Variants in ZFYVE9 observed in about 807,000 individuals in gnomAD.
The protein encoded by ZFYVE9 is zinc finger FYVE domain-containing protein 9.
A neutral mutation model predicts 126.7 loss-of-function variants in ZFYVE9; 43 were observed. That is an observed-to-expected ratio of 0.34 (90% CI 0.27 to 0.44). The LOEUF is 0.44. Among genes scored for constraint, ZFYVE9 ranks in the 20% least tolerant of loss-of-function variants. ZFYVE9 has a pLI of 1.00. For missense variants in ZFYVE9, 1,476 were observed against 1,697.0 expected (o/e 0.87, Z 2.29); for synonymous variants, 521 against 597.4 (o/e 0.87, Z 1.87).
rs749071457 is a variant in ZFYVE9 at position 52,303,844 on chromosome 1, C to G, written c.3357C>G (p.Thr1119=). The G allele has an allele frequency of 1.3e-6, 2 of 1,592,238 alleles. No homozygotes were observed. Among genetic ancestry groups the G allele is most frequent in the Admixed American group, 1.7e-5 (1 of 57,158 alleles). Residue 1119 remains threonine, a synonymous_variant, in exon 13 of 19, where the codon ACC becomes ACG. Coordinates refer to ENST00000287727, the MANE Select transcript of ZFYVE9 (RefSeq NM_004799.4). ...AGGACTTCAGAAATTACCAGTATAC[C>G]TTGCCAGTAGTTCAAGGTTTGGTGG... The part of the protein sequence containing the change: ...LLADFRNYQY[T]LPVVQGLVVD...
intron 5 of ZFYVE9, 125 bp downstream of exon 5, chr1:52,263,997 C>A: frequency 2.1e-6 from 1 of 468,738 alleles, no homozygotes; most frequent in Non-Finnish European, 3.7e-6. Context: ...ATAACTTTAA[C>A]TGAAAATATT....
intron 1 of ZFYVE9, among the ~76,000 whole-genome samples, chr1:52,206,554 G>C (rs1290870982): frequency 6.6e-6 from 1 of 151,996 alleles, no homozygotes; most frequent in Non-Finnish European, 1.5e-5. Context: ...GTTTTGTTTT[G>C]TTTTGTTTTT....
At chr1:52,287,648 C>A (rs1332604105) in intron 10 of ZFYVE9, among the ~76,000 whole-genome samples, 3 of 148,992 alleles carry the variant, frequency 2.0e-5, no homozygotes, top group African/African-American at 7.5e-5. Context: ...TGCTTGAGGC[C>A]AGGACTTTGA....
chr1:52,146,404 T>C (rs1036105569), intron 1 of ZFYVE9, among the ~76,000 whole-genome samples: 1 of 152,182 alleles, frequency 6.6e-6, no homozygotes, highest in Non-Finnish European at 1.5e-5. Context: ...TAAATTTACT[T>C]AAGAACTGTT....
intron 1 of ZFYVE9, chr1:52,189,937 C>G (rs1449215990): frequency 1.3e-5 from 2 of 152,684 alleles, no homozygotes; most frequent in African/African-American, 4.8e-5. Flanking sequence ...ACTAAACAGG[C>G]AACACCTGGC....
chr1:52,150,393 T>G (rs1460539965), intron 1 of ZFYVE9: 1 of 152,244 alleles, frequency 6.6e-6, no homozygotes, highest in Non-Finnish European at 1.5e-5. Flanking sequence ...CACTCCAGCC[T>G]GGGCAACATA....
At chr1:52,267,236 T>C (rs1370602694) in intron 6 of ZFYVE9, among the ~76,000 whole-genome samples, 2 of 152,196 alleles carry the variant, frequency 1.3e-5, no homozygotes, top group African/African-American at 4.8e-5. Flanking sequence ...CATTCAAGTA[T>C]TGCTTTTTGG....
At chr1:52,290,454 T>G (rs1035903200) in intron 10 of ZFYVE9, among the ~76,000 whole-genome samples, 1 of 152,180 alleles carries the variant, frequency 6.6e-6, no homozygotes, top group Non-Finnish European at 1.5e-5. Context: ...CACCCTACAT[T>G]GTAGAGGGAA....
intron 1 of ZFYVE9, among the ~76,000 whole-genome samples, chr1:52,155,159 A>G (rs574037085): frequency 5.9e-5 from 9 of 151,896 alleles, no homozygotes; most frequent in Non-Finnish European, 1.2e-4. Flanking sequence ...GTCTGGACAC[A>G]TGGTGCCCAG....
intron 4 of ZFYVE9, among the ~76,000 whole-genome samples, chr1:52,257,870 C>T (rs531290570): frequency 2.0e-4 from 30 of 152,126 alleles, no homozygotes; most frequent in Admixed American, 3.9e-4. Flanking sequence ...GGATTATAGG[C>T]GCCTGCCACC....
intron 4 of ZFYVE9, among the ~76,000 whole-genome samples, chr1:52,249,114 C>T (rs1057458425): frequency 6.6e-6 from 1 of 152,188 alleles, no homozygotes; most frequent in African/African-American, 2.4e-5. Flanking sequence ...CTCTCCTGTT[C>T]CACCACGGTA....
chr1:52,267,801 C>G (rs912247037), intron 6 of ZFYVE9, among the ~76,000 whole-genome samples: 4 of 152,098 alleles, frequency 2.6e-5, no homozygotes, highest in African/African-American at 9.7e-5. Flanking sequence ...TAAAACTGGA[C>G]TTAAAGGGAT....
intron 3 of ZFYVE9, among the ~76,000 whole-genome samples, chr1:52,234,718 A>T (rs749568214): frequency 1.3e-5 from 2 of 152,210 alleles, no homozygotes; most frequent in Non-Finnish European, 2.9e-5. Context: ...TCCTAGGCTC[A>T]TTCCTGGTTC....
intron 13 of ZFYVE9, among the ~76,000 whole-genome samples, chr1:52,305,591 G>A (rs1347265155): frequency 6.6e-6 from 1 of 152,064 alleles, no homozygotes; most frequent in Non-Finnish European, 1.5e-5. Context: ...TGTAGGAGCC[G>A]GGGACAAGTG....
chr1:52,205,735 C>A (rs557320188), intron 1 of ZFYVE9, among the ~76,000 whole-genome samples: 9 of 152,014 alleles, frequency 5.9e-5, no homozygotes, highest in Admixed American at 5.2e-4. Flanking sequence ...CTTTGTTGTT[C>A]GGATAGAATA....
At chr1:52,312,238 C>A (rs781223949) in intron 13 of ZFYVE9, among the ~76,000 whole-genome samples, 22 of 152,048 alleles carry the variant, frequency 1.4e-4, no homozygotes, top group Admixed American at 2.6e-4. Context: ...GGCGAAGACT[C>A]AAAACATCAT....
intron 1 of ZFYVE9, among the ~76,000 whole-genome samples, chr1:52,174,576 A>G (rs9693872): frequency 0.96 from 134,183 of 139,904 alleles, 64,324 homozygotes; most frequent in East Asian, 0.99. Context: ...TTTCTGTCTC[A>G]TTGATCTGTC....
At chr1:52,328,359 A>C (rs1000903560) in intron 13 of ZFYVE9, among the ~76,000 whole-genome samples, 1 of 152,228 alleles carries the variant, frequency 6.6e-6, no homozygotes, top group Non-Finnish European at 1.5e-5. Flanking sequence ...AACACAACCA[A>C]AATGGATAGT....
At chr1:52,302,209 G>A (rs1323780528) in intron 12 of ZFYVE9, among the ~76,000 whole-genome samples, 4 of 151,322 alleles carry the variant, frequency 2.6e-5, no homozygotes, top group Non-Finnish European at 5.9e-5. Flanking sequence ...TTTTTTATTG[G>A]TTGCCAGACA....
Sources: allele counts gnomAD v4.1 joint callset (sites outside exome capture counted in the v4.1 genomes callset), GRCh38; gene constraint gnomAD v4.1.1; transcripts MANE v1.5; gene names NCBI Gene and HGNC (gene_info 2026-07-23, HGNC 2026-07-21).